PDE4D: variants seen among roughly 807,000 people sequenced by gnomAD.
PDE4D encodes the protein 3',5'-cyclic-AMP phosphodiesterase 4D.
PDE4D carries 24 observed loss-of-function variants against 87.4 expected under a neutral mutation model. The observed-to-expected ratio is 0.27, with a 90% CI of 0.20 to 0.39. The LOEUF is 0.39. Among genes scored for constraint, PDE4D ranks in the 10% least tolerant of loss-of-function variants. The pLI, the probability that PDE4D is intolerant of heterozygous loss-of-function variation, is 1.00. For synonymous variants in PDE4D, 384 were observed against 383.2 expected (o/e 1.00, Z -0.02); for missense variants, 714 against 1,041.0 (o/e 0.69, Z 4.32).
chr5:60,356,324 A>C (rs1215568650), intron 1 of PDE4D, among the ~76,000 whole-genome samples: 2 of 152,222 alleles, frequency 1.3e-5, no homozygotes, highest in Non-Finnish European at 2.9e-5. Flanking sequence ...TATCAAGATG[A>C]AAATGTAGCA....
chr5:60,087,273 A>G (rs1292449378), intron 2 of PDE4D, among the ~76,000 whole-genome samples: 2 of 152,110 alleles, frequency 1.3e-5, no homozygotes, highest in Non-Finnish European at 2.9e-5. Flanking sequence ...TAACACCACC[A>G]AAAAAACCCC....
At chr5:60,110,312 A>G (rs979655807) in intron 2 of PDE4D, among the ~76,000 whole-genome samples, 1 of 152,118 alleles carries the variant, frequency 6.6e-6, no homozygotes, top group African/African-American at 2.4e-5. Flanking sequence ...AAGGAACTCA[A>G]ACAATTCAAC....
At chr5:59,284,000 C>T (rs1354153465) in intron 1 of PDE4D, among the ~76,000 whole-genome samples, 1 of 152,124 alleles carries the variant, frequency 6.6e-6, no homozygotes, top group Non-Finnish European at 1.5e-5. Context: ...CACCTAGAAT[C>T]CTCCCAGGGT....
At chr5:59,046,637 G>A (rs114529876) in intron 5 of PDE4D, among the ~76,000 whole-genome samples, 32 of 152,068 alleles carry the variant, frequency 2.1e-4, no homozygotes, top group Non-Finnish European at 2.8e-4. Flanking sequence ...TCTCCCAATC[G>A]TCAATAAGGT....
At chr5:60,153,600 C>A (rs188714153) in intron 2 of PDE4D, among the ~76,000 whole-genome samples, 2 of 152,158 alleles carry the variant, frequency 1.3e-5, no homozygotes, top group Admixed American at 1.3e-4. Context: ...TTCGCAATAG[C>A]CAAGATATAG....
At chr5:60,293,724 C>T (rs12659336) in intron 1 of PDE4D, among the ~76,000 whole-genome samples, 1 of 152,076 alleles carries the variant, frequency 6.6e-6, no homozygotes, top group Non-Finnish European at 1.5e-5. Flanking sequence ...TTCCTTGACT[C>T]AGCATTTTGT....
chr5:59,901,077 A>C (rs1024560693), intron 3 of PDE4D, among the ~76,000 whole-genome samples: 1 of 152,192 alleles, frequency 6.6e-6, no homozygotes, highest in African/African-American at 2.4e-5. Flanking sequence ...AAATAGAAGA[A>C]TTGTAGCAGC....
rs954970783 is a variant in PDE4D, at chr5:60,515,601, C to CTTTTTTTTTTTT, written n.70+6438_70+6449dup. ...CTGAGCTTTCTTTCCTTTTCTTTTTCTTTTTTTTTTTTTTTTTTCTGTCAG... is the reference window on the plus strand; with the variant it reads ...CTGAGCTTTCTTTCCTTTTCTTTTTCTTTTTTTTTTTTTTTTTTTTTTTTTTTTTTCTGTCAG... On this transcript the variant is annotated intron_variant and non_coding_transcript_variant, in intron 1 of 2. Coordinates refer to the PDE4D transcript ENST00000506510. 1.6e-3 allele frequency among the ~76,000 whole-genome samples: 170 copies of CTTTTTTTTTTTT among 106,612 alleles called. 3 individuals carry two copies. The highest frequency in any genetic ancestry group is 1.9e-3 in the Non-Finnish European group (96 of 49,960). The allele number at this position is 106,612 out of a possible 152,430, so 69.9% of individuals were successfully genotyped here.
chr5:60,135,514 G>T (rs796812697), intron 2 of PDE4D, among the ~76,000 whole-genome samples: 8 of 152,288 alleles, frequency 5.3e-5, no homozygotes, highest in African/African-American at 1.9e-4. Context: ...TGGGGGAAGG[G>T]AAAAGGAAAA....
At chr5:59,984,571 G>A (rs1006106041) in intron 3 of PDE4D, among the ~76,000 whole-genome samples, 5 of 152,150 alleles carry the variant, frequency 3.3e-5, no homozygotes, top group Non-Finnish European at 5.9e-5. Flanking sequence ...GAACACATTC[G>A]CATTGCTTGG....
At chr5:59,368,455 A>G (rs1022320403) in intron 1 of PDE4D, among the ~76,000 whole-genome samples, 1 of 152,232 alleles carries the variant, frequency 6.6e-6, no homozygotes, top group Non-Finnish European at 1.5e-5. Context: ...CTGAAATTTC[A>G]TATGATAGTC....
At chr5:59,361,066 A>AT (rs143576397) in intron 1 of PDE4D, among the ~76,000 whole-genome samples, 10,503 of 151,986 alleles carry the variant, frequency 0.069, 989 homozygotes, top group African/African-American at 0.21. Flanking sequence ...TAATTTTAGG[A>AT]TTTTTTTTAG....
intron 2 of PDE4D, among the ~76,000 whole-genome samples, chr5:60,044,983 A>G (rs1349525727): frequency 2.0e-5 from 3 of 152,224 alleles, no homozygotes. Context: ...TCCCACCAAC[A>G]GTGTGAAAGT....
chr5:60,456,525 A>G (rs1746479526), intron 1 of PDE4D, among the ~76,000 whole-genome samples: 1 of 152,210 alleles, frequency 6.6e-6, no homozygotes, highest in Admixed American at 6.5e-5. Context: ...AGGTGGTCAA[A>G]TGATTTTGGT....
intron 11 of PDE4D, among the ~76,000 whole-genome samples, chr5:58,983,124 A>G (rs1322451588): frequency 3.9e-5 from 6 of 152,204 alleles, no homozygotes; most frequent in African/African-American, 1.4e-4. Context: ...TTCCCACTGG[A>G]AAGACTCCCC....
At chr5:60,010,817 A>G (rs934927265) in intron 2 of PDE4D, among the ~76,000 whole-genome samples, 4 of 152,110 alleles carry the variant, frequency 2.6e-5, no homozygotes, top group Admixed American at 6.6e-5. Context: ...GATTTTTTAA[A>G]CCTTTGTAGT....
chr5:59,356,881 G>C, intron 1 of PDE4D: 1 of 1,520,300 alleles, frequency 6.6e-7, no homozygotes, highest in Non-Finnish European at 8.7e-7. Flanking sequence ...CAGGAACCAC[G>C]AGAAGTCAGA....
intron 1 of PDE4D, among the ~76,000 whole-genome samples, chr5:59,518,849 T>A (rs1811667959): frequency 2.0e-5 from 3 of 152,238 alleles, no homozygotes; most frequent in African/African-American, 7.2e-5. Flanking sequence ...GAAGAAACTT[T>A]ATATCACAAC....
At chr5:59,870,058 G>A (rs547117139) in intron 1 of PDE4D, among the ~76,000 whole-genome samples, 1 of 152,268 alleles carries the variant, frequency 6.6e-6, no homozygotes, top group East Asian at 1.9e-4. Context: ...TACCATTAGG[G>A]CAAGGTCTGT....
Sources: allele counts gnomAD v4.1 joint callset (sites outside exome capture counted in the v4.1 genomes callset), GRCh38; gene constraint gnomAD v4.1.1; transcripts MANE v1.5; gene names NCBI Gene and HGNC (gene_info 2026-07-23, HGNC 2026-07-21).